Variants in CHL1 observed in about 807,000 individuals in gnomAD.
CHL1 encodes cell adhesion molecule L1 like, also known as neural cell adhesion molecule L1-like protein.
A neutral mutation model predicts 141.9 loss-of-function variants in CHL1; 96 were observed. The observed-to-expected ratio is 0.68, with a 90% confidence interval of 0.57 to 0.80. CHL1 has a LOEUF of 0.80. Ranked by LOEUF, CHL1 falls within the 30% of genes least tolerant of loss-of-function variation. The probability of loss-of-function intolerance (pLI) is 0.00; values close to 1 mark genes in which losing one functional copy is unlikely to be tolerated. For synonymous variants in CHL1, 613 were observed against 502.2 expected (o/e 1.22, Z -2.95); for missense variants, 1,820 against 1,457.2 (o/e 1.25, Z -4.05).
At chr3:319,591 C>CAAA (rs35995557) in intron 2 of CHL1, 92 bp from the exon 3 acceptor site, 466 of 304,016 alleles carry the variant, frequency 1.5e-3, no homozygotes, top group South Asian at 4.1e-3. Flanking sequence ...ACTGCCAAAC[C>CAAA]AAAAAAAAAA....
intron 2 of CHL1, among the ~76,000 whole-genome samples, chr3:298,675 TAGG>T (rs1173249440): frequency 6.6e-6 from 1 of 152,174 alleles, no homozygotes; most frequent in African/African-American, 2.4e-5. Flanking sequence ...TCATGTTTAA[TAGG>T]AGATTTGACT....
At chr3:324,821 C>A (rs1700884973) in intron 3 of CHL1, among the ~76,000 whole-genome samples, 1 of 151,730 alleles carries the variant, frequency 6.6e-6, no homozygotes, top group African/African-American at 2.4e-5. Context: ...AACTCCTGGG[C>A]TTAAGTGACC....
intron 2 of CHL1, among the ~76,000 whole-genome samples, chr3:314,438 T>C (rs1700014860): frequency 6.7e-6 from 1 of 149,726 alleles, no homozygotes. Flanking sequence ...ATTAGCTATT[T>C]CTACCTTGAA....
At chr3:223,826 G>T (rs1016846471) in intron 1 of CHL1, among the ~76,000 whole-genome samples, 2 of 152,132 alleles carry the variant, frequency 1.3e-5, no homozygotes, top group Non-Finnish European at 2.9e-5. Context: ...CTGATAGGTT[G>T]GGGCAGGGAT....
intron 1 of CHL1, among the ~76,000 whole-genome samples, chr3:227,951 C>T (rs542436254): frequency 1.5e-4 from 23 of 152,268 alleles, no homozygotes; most frequent in Non-Finnish European, 1.5e-4. Flanking sequence ...CAGTTAACAC[C>T]CACATCTATC....
chr3:278,726 G>C (rs1696374769), intron 2 of CHL1, among the ~76,000 whole-genome samples: 1 of 152,184 alleles, frequency 6.6e-6, no homozygotes, highest in South Asian at 2.1e-4. Flanking sequence ...ACAATGAATA[G>C]ACAGTGTCCT....
intron 4 of CHL1, among the ~76,000 whole-genome samples, chr3:327,939 G>C (rs1279453480): frequency 1.3e-5 from 2 of 151,668 alleles, no homozygotes; most frequent in African/African-American, 4.8e-5. Context: ...ATTTAAAAAA[G>C]CAAAAGCTAA....
chr3:379,433 C>G (rs538107377), intron 16 of CHL1, among the ~76,000 whole-genome samples: 1 of 152,014 alleles, frequency 6.6e-6, no homozygotes, highest in Admixed American at 6.6e-5. Context: ...GTTTAATCCC[C>G]TAGGATGATT....
chr3:350,439 A>C (rs1375536405), intron 10 of CHL1, among the ~76,000 whole-genome samples: 1 of 152,192 alleles, frequency 6.6e-6, no homozygotes, highest in Non-Finnish European at 1.5e-5. Context: ...CTGCATTTGT[A>C]CTTATTTAGT....
At chr3:377,767 A>C (rs374838830) in intron 15 of CHL1, 51 bp from the exon 16 acceptor site, 4 of 1,470,366 alleles carry the variant, frequency 2.7e-6, no homozygotes, top group Non-Finnish European at 3.7e-6. Flanking sequence ...TTGGGTTTCT[A>C]TCATTTCTAT....
chr3:321,532 T>C (rs1012707064), intron 3 of CHL1, among the ~76,000 whole-genome samples: 26 of 152,106 alleles, frequency 1.7e-4, no homozygotes, highest in African/African-American at 5.8e-4. Flanking sequence ...GTCTTCCGAA[T>C]AGCAACGAAG....
At chr3:336,443 C>T (rs1701869786) in intron 5 of CHL1, among the ~76,000 whole-genome samples, 1 of 152,092 alleles carries the variant, frequency 6.6e-6, no homozygotes, top group African/African-American at 2.4e-5. Context: ...CATTTCACTA[C>T]TACTCTTCAC....
At chr3:221,841 T>A (rs969137696) in intron 1 of CHL1, among the ~76,000 whole-genome samples, 4 of 152,238 alleles carry the variant, frequency 2.6e-5, no homozygotes, top group Non-Finnish European at 4.4e-5. Context: ...TGTGCCTTAG[T>A]ACTTTATTGA....
chr3:246,572 T>C (rs1003984717), intron 2 of CHL1: 2 of 152,102 alleles, frequency 1.3e-5, no homozygotes, highest in Admixed American at 6.6e-5. Flanking sequence ...TTTCAGAATC[T>C]CTTGTTTGGA....
At chr3:393,094 G>C (rs138274802) in intron 23 of CHL1, among the ~76,000 whole-genome samples, 2 of 152,038 alleles carry the variant, frequency 1.3e-5, no homozygotes, top group African/African-American at 2.4e-5. Flanking sequence ...TTATCCAGGC[G>C]TGGTGGTGGG....
chr3:262,595 AT>A (rs1694824602), intron 2 of CHL1, among the ~76,000 whole-genome samples: 1 of 151,650 alleles, frequency 6.6e-6, no homozygotes, highest in African/African-American at 2.4e-5. Context: ...GGATTCACAC[AT>A]TTAAATGCTA....
In CHL1 at chr3:398,345, T is replaced by G. The variant is rs6771714; in HGVS notation, c.3213T>G (p.Asn1071Lys). 6.2e-7 allele frequency: 1 copy of G among 1,606,120 alleles called. No individual in the cohort carries two copies. The highest frequency in any genetic ancestry group is 1.3e-5 in the African/African-American group (1 of 74,788). The change falls in exon 25 of 28, where the codon AAT (asparagine) becomes AAG (lysine). Residue 1071 changes from asparagine to lysine, a missense_variant. By Grantham distance (94) the Asn-to-Lys change is moderately conservative. Transcript: ENST00000256509. ...VRLMTKNWGD[N>K]DSIFQDVIET... ...TAATGACTAAGAATTGGGGCGATAATGATAGCATTTTTCAAGATGTAATTG... is the reference window on the plus strand; with the variant it reads ...TAATGACTAAGAATTGGGGCGATAAGGATAGCATTTTTCAAGATGTAATTG...
chr3:219,167 A>T (rs57034252), intron 1 of CHL1, among the ~76,000 whole-genome samples: 2,463 of 151,848 alleles, frequency 0.016, 65 homozygotes, highest in African/African-American at 0.057. Context: ...AGGTCAAAAA[A>T]TAAAAGATGC....
chr3:338,018 C>A (rs1368503943), intron 5 of CHL1, among the ~76,000 whole-genome samples: 1 of 152,136 alleles, frequency 6.6e-6, no homozygotes, highest in Non-Finnish European at 1.5e-5. Flanking sequence ...TCTCCACATC[C>A]TCTCCAGCAC....
Sources: gnomAD v4.1 joint callset for allele counts (sites outside exome capture counted in the v4.1 genomes callset) on GRCh38, gnomAD v4.1.1 for gene constraint, MANE v1.5 for transcripts, NCBI Gene and HGNC (gene_info 2026-07-23, HGNC 2026-07-21) for gene names.